Variants in B9D1 observed in about 807,000 individuals in gnomAD.
B9D1 encodes the protein B9 domain containing 1, also known as B9 domain-containing protein 1.
B9D1 carries 20 observed loss-of-function variants against 26.1 expected under a neutral mutation model. The observed-to-expected ratio is 0.77, with a 90% confidence interval of 0.54 to 1.12. The LOEUF is 1.12. Ranked by LOEUF, B9D1 falls within the 50% of genes most tolerant of loss-of-function variation. The pLI is 0.00. For missense variants in B9D1, 260 were observed against 273.7 expected (o/e 0.95, Z 0.35); for synonymous variants, 105 against 103.1 (o/e 1.02, Z -0.11).
At chr17:19,341,625 G>C (rs1239580731), downstream of B9D1, among the ~76,000 whole-genome samples, 1 of 152,206 alleles carries the variant, frequency 6.6e-6, no homozygotes, top group African/African-American at 2.4e-5. Context: ...AGAGACAAAG[G>C]CTGTTAAGTT....
At position 19,357,890 on chromosome 17, in the gene B9D1, A is replaced by C. The variant is rs952400237; in HGVS notation, c.194T>G (p.Val65Gly). 1 of 1,614,130 alleles carries C rather than the reference A, an allele frequency of 6.2e-7. No homozygotes were observed. Among genetic ancestry groups the C allele is most frequent in the African/African-American group, 1.3e-5 (1 of 75,034 alleles). Reference protein sequence around the residue: ...SKSQDVRQALVWNFPIDVTFK... With the variant: ...SKSQDVRQALGWNFPIDVTFK... ...GGTGACATCAATGGGGAAGTTCCAC[A>C]CCAGTGCTTGCCGCACATCTTGGCT... The change falls in exon 3 of 7, where the codon GTG (valine) becomes GGG (glycine). Residue 65 changes from valine (V) to glycine (G), a missense_variant. Val to Gly is a moderately radical substitution (Grantham distance 109, BLOSUM62 -3). Transcript: ENST00000261499.
At chr17:19,350,039 G>C (rs536663484) in intron 3 of B9D1, among the ~76,000 whole-genome samples, 1 of 152,186 alleles carries the variant, frequency 6.6e-6, no homozygotes, top group African/African-American at 2.4e-5. Context: ...GTGAACCCGG[G>C]AGGCGGAGCT....
At chr17:19,353,840 T>C (rs1293275609) in intron 3 of B9D1, among the ~76,000 whole-genome samples, 1 of 151,892 alleles carries the variant, frequency 6.6e-6, no homozygotes, top group Non-Finnish European at 1.5e-5. Flanking sequence ...CTAAGGAGGC[T>C]GAGGCAGGAG....
chr17:19,340,376 T>C (rs1258322762), downstream of B9D1, among the ~76,000 whole-genome samples: 1 of 151,610 alleles, frequency 6.6e-6, no homozygotes, highest in Non-Finnish European at 1.5e-5. Flanking sequence ...TTCACCATGT[T>C]GGCCAGGCTG....
In B9D1 at chr17:19,347,839, C is replaced by T. The variant is rs751788862; in HGVS notation, c.286G>A (p.Gly96Arg). Residue 96 changes from glycine to arginine, a missense_variant, in exon 4 of 7, where the codon GGG becomes AGG. Gly to Arg is a moderately radical substitution (Grantham distance 125). Coordinates refer to ENST00000261499, the MANE Select transcript of B9D1 (RefSeq NM_015681.6). This position sits in a 1 kb window ranked among gnomAD's most constrained non-coding sequence, Gnocchi z 4.3. ...CCATAGCCTCGAACCACATCGTTCCCGAACACATCTGGTCCATACACGCTG... is the reference window on the plus strand; with the variant it reads ...CCATAGCCTCGAACCACATCGTTCCTGAACACATCTGGTCCATACACGCTG... ...VLSVYGPDVF[G>R]NDVVRGYGAV... 20 of 1,613,966 alleles carry T rather than the reference C, an allele frequency of 1.2e-5. No homozygotes were observed. Among genetic ancestry groups the T allele is most frequent in the Admixed American group, 8.3e-5 (5 of 60,004 alleles).
At position 19,352,575 on chromosome 17, in the gene B9D1, G is replaced by A. The variant is rs1318311142; in HGVS notation, c.245-4695C>T. On this transcript the variant is annotated intron_variant, in intron 3 of 6. Transcript: ENST00000261499. ...TCGCTCTTGTTGCCCAGGCTGGAGT[G>A]CAATGGCATGATCTTGGCTCACTGC... 2.0e-5 allele frequency among the ~76,000 whole-genome samples: 3 copies of A among 146,376 alleles called. No homozygotes were observed. The East Asian group carries it at 6.2e-4, about 30-fold the overall frequency.
intron 1 of B9D1, chr17:19,377,817 C>G (rs1912223350): frequency 2.0e-6 from 2 of 984,818 alleles, no homozygotes; most frequent in African/African-American, 3.5e-5. Flanking sequence ...CAGCCCAAAG[C>G]ACGGGAATCG....
chr17:19,335,207 C>T (rs1907347798), downstream of B9D1: 1 of 420,588 alleles, frequency 2.4e-6, no homozygotes. Context: ...AAAATCCTAG[C>T]CTCCAGTTGC....
chr17:19,341,603 C>G (rs1032113267), downstream of B9D1, among the ~76,000 whole-genome samples: 5 of 152,270 alleles, frequency 3.3e-5, no homozygotes, highest in African/African-American at 1.2e-4. Flanking sequence ...AGGGAGGGTG[C>G]TGGAGGCCTG....
chr17:19,339,433 T>C (rs1907722633), downstream of B9D1, among the ~76,000 whole-genome samples: 1 of 152,196 alleles, frequency 6.6e-6, no homozygotes, highest in Non-Finnish European at 1.5e-5. Flanking sequence ...ACTTGCATAA[T>C]ATAGATCTCC....
upstream of B9D1, among the ~76,000 whole-genome samples, chr17:19,367,308 CTTT>C (rs35898862): frequency 4.1e-5 from 5 of 121,482 alleles, no homozygotes; most frequent in African/African-American, 9.6e-5. Flanking sequence ...TAAAATCAAT[CTTT>C]TTTTTTTTTT....
At position 19,347,343 on chromosome 17, in the gene B9D1, G is replaced by A. The variant is rs1365103687; in HGVS notation, c.342-12C>T. 1.9e-6 allele frequency: 3 copies of A among 1,614,130 alleles called. No individual in the cohort carries two copies. The highest frequency in any genetic ancestry group is 3.3e-5 in the Admixed American group (2 of 60,026). ...TGGTCCTTTTGTGCCTGAAACAAAT[G>A]TTTTTGCAGACAGAGATGCTGAGTA... On this transcript the variant is annotated splice_polypyrimidine_tract_variant and intron_variant, in intron 4 of 6. Transcript: ENST00000261499. This position sits in a 1 kb window ranked among gnomAD's most constrained non-coding sequence, Gnocchi z 4.3.
Position 19,362,554 on chromosome 17 carries a change from G to T in B9D1, c.16C>A (p.Pro6Thr). 1 of 1,589,766 alleles carries T rather than the reference G, an allele frequency of 6.3e-7. No individual in the cohort carries two copies. The highest frequency in any genetic ancestry group is 8.6e-7 in the Non-Finnish European group (1 of 1,168,044). MATAS[P>T]SVFLLMVNGQ... ...TTGACCATGAGTAGAAAGACGCTAG[G>T]ACTCGCGGTCGCCATGGCAGGTCTG... Residue 6 changes from proline to threonine, a missense_variant, in exon 1 of 7, where the codon CCT becomes ACT. By Grantham distance (38) the Pro-to-Thr change is conservative. Transcript: ENST00000261499.
upstream of B9D1, chr17:19,362,880 G>T: frequency 1.9e-6 from 1 of 523,738 alleles, no homozygotes; most frequent in Non-Finnish European, 3.4e-6. Context: ...CGACTCAGTT[G>T]CACGCGCAGG....
rs137890486 is a variant in B9D1 at position 19,357,722 on chromosome 17, A to G, written c.244+118T>C. On this transcript the variant is annotated intron_variant, in intron 3 of 6. Coordinates refer to ENST00000261499, the MANE Select transcript of B9D1 (RefSeq NM_015681.6). The stretch of plus-strand genomic sequence containing the variant: ...GAGAGAGAACGTTGAGGGCTGCTTC[A>G]AGAGCCCAGGTGACAATCTGAATGT... 330 of 798,336 alleles carry G rather than the reference A, an allele frequency of 4.1e-4. 1 individual carries two copies. The East Asian group carries it at 7.9e-3, about 19-fold the overall frequency. 49.5% of individuals were successfully genotyped at this position (798,336 alleles called of 1,614,324 possible). A position where few individuals can be genotyped will look rare whatever the true frequency, so the allele number is the denominator to read the frequency against.
downstream of B9D1, among the ~76,000 whole-genome samples, chr17:19,337,061 T>A (rs887013228): frequency 2.0e-5 from 3 of 152,156 alleles, no homozygotes; most frequent in Non-Finnish European, 4.4e-5. Flanking sequence ...GTGTGCCGGG[T>A]CCCCAGAGGC....
intron 1 of B9D1, among the ~76,000 whole-genome samples, chr17:19,377,523 C>T (rs967883790): frequency 6.6e-6 from 1 of 152,196 alleles, no homozygotes; most frequent in Non-Finnish European, 1.5e-5. Flanking sequence ...TTCTAGAAGC[C>T]GCCTAGGAGT....
chr17:19,336,538 C>T (rs1450331653), downstream of B9D1: 1 of 152,624 alleles, frequency 6.6e-6, no homozygotes, highest in Non-Finnish European at 1.5e-5. Context: ...ATCATGAAGC[C>T]ACCGGCCACT....
intron 5 of B9D1, among the ~76,000 whole-genome samples, chr17:19,346,709 C>G (rs1211327050): frequency 1.3e-5 from 2 of 152,180 alleles, no homozygotes; most frequent in Non-Finnish European, 2.9e-5. Flanking sequence ...CTCATTCTGC[C>G]TGGCTTACCA....
Sources: gnomAD v4.1 joint callset for allele counts (sites outside exome capture counted in the v4.1 genomes callset) on GRCh38, gnomAD v4.1.1 for gene constraint, Gnocchi (gnomAD v3.1) non-coding constraint, MANE v1.5 for transcripts, NCBI Gene and HGNC (gene_info 2026-07-23, HGNC 2026-07-21) for gene names.